Variants in EFR3A observed in about 807,000 individuals in gnomAD.
EFR3A encodes the protein protein EFR3 homolog A.
In EFR3A, 76 loss-of-function variants were observed where a neutral mutation model predicts 104.4. The observed-to-expected ratio is 0.73, with a 90% CI of 0.60 to 0.88. The LOEUF (loss-of-function observed/expected upper bound fraction) is 0.88, where lower values mean the gene tolerates loss of function less well. Ranked by LOEUF, EFR3A falls within the 40% of genes least tolerant of loss-of-function variation. The pLI is 0.00. For synonymous variants in EFR3A, 330 were observed against 330.0 expected, an observed-to-expected ratio of 1.00 and a Z score of 0.00; for missense variants, 985 against 1,012.5, an observed-to-expected ratio of 0.97 and a Z score of 0.37.
intron 5 of EFR3A, among the ~76,000 whole-genome samples, chr8:131,951,873 C>A (rs184100825): frequency 3.3e-5 from 5 of 152,064 alleles, no homozygotes; most frequent in African/African-American, 1.2e-4. Flanking sequence ...TCTGCTTTAA[C>A]TTAAATAAAA....
At chr8:131,967,601 G>C (rs547093453) in intron 8 of EFR3A, among the ~76,000 whole-genome samples, 20 of 151,192 alleles carry the variant, frequency 1.3e-4, no homozygotes, top group African/African-American at 4.8e-4. Context: ...ATTCACTGGA[G>C]TTAAGAATAA....
rs1019775127 is a variant in EFR3A, at chr8:131,977,024, C to G, written c.1275-17C>G. 6.4e-7 allele frequency: 1 copy of G among 1,562,360 alleles called. No individual in the cohort carries two copies. Among genetic ancestry groups the G allele is most frequent in the African/African-American group, 1.4e-5 (1 of 73,342 alleles). Reference sequence around the variant, plus strand: ...AATGCTAATTAGTATAATAATTCAGCCTTTTGTATATTTTAGGGATTTGGG... The same window carrying G: ...AATGCTAATTAGTATAATAATTCAGGCTTTTGTATATTTTAGGGATTTGGG... On this transcript the variant is annotated splice_polypyrimidine_tract_variant and intron_variant, in intron 11 of 22. Transcript: ENST00000254624.
At chr8:131,959,144 G>A (rs975171377) in intron 7 of EFR3A, among the ~76,000 whole-genome samples, 3 of 152,112 alleles carry the variant, frequency 2.0e-5, no homozygotes, top group Admixed American at 2.0e-4. Flanking sequence ...CGATATGGAA[G>A]GACAATTTTT....
chr8:131,967,152 T>C (rs6471015), intron 8 of EFR3A, among the ~76,000 whole-genome samples: 2,713 of 152,258 alleles, frequency 0.018, 34 homozygotes, highest in South Asian at 0.042. Context: ...TTTGTGTGTG[T>C]CTTCCTGCCT....
intron 22 of EFR3A, among the ~76,000 whole-genome samples, chr8:132,009,434 A>G (rs1333806718): frequency 6.6e-6 from 1 of 152,094 alleles, no homozygotes; most frequent in Admixed American, 6.6e-5. Flanking sequence ...CAGTCAGGAA[A>G]ATGCTGTAGA....
At chr8:132,003,348 T>C in intron 22 of EFR3A, 63 bp downstream of exon 22, 1 of 1,421,096 alleles carries the variant, frequency 7.0e-7, no homozygotes, top group South Asian at 1.3e-5. Context: ...GACAGACCCC[T>C]ATGAATTTGT....
chr8:131,915,105 G>A (rs1020749477), intron 1 of EFR3A, among the ~76,000 whole-genome samples: 1 of 152,168 alleles, frequency 6.6e-6, no homozygotes, highest in African/African-American at 2.4e-5. Context: ...GAATAGTGGA[G>A]CAGCTCTATT....
At chr8:131,918,367 G>A (rs994280875) in intron 1 of EFR3A, among the ~76,000 whole-genome samples, 1 of 152,196 alleles carries the variant, frequency 6.6e-6, no homozygotes, top group African/African-American at 2.4e-5. Flanking sequence ...ATAATTTCAT[G>A]TATAGAGTGA....
At chr8:131,934,708 G>A (rs2130520620) in intron 1 of EFR3A, among the ~76,000 whole-genome samples, 1 of 151,972 alleles carries the variant, frequency 6.6e-6, no homozygotes. Context: ...TGCTCTTTGG[G>A]TAGCTCTGTT....
intron 20 of EFR3A, 65 bp from the exon 21 acceptor site, chr8:132,002,538 G>T: frequency 1.5e-6 from 2 of 1,338,834 alleles, no homozygotes; most frequent in South Asian, 1.3e-5. Flanking sequence ...ACTCTTAACG[G>T]TCATTGACTG....
At chr8:131,969,726 G>T (rs1438767160) in intron 9 of EFR3A, among the ~76,000 whole-genome samples, 1 of 151,874 alleles carries the variant, frequency 6.6e-6, no homozygotes, top group Non-Finnish European at 1.5e-5. Flanking sequence ...TTATTTAATT[G>T]GAAAGTTATT....
rs1818118676 is a variant in EFR3A at position 131,940,582 on chromosome 8, T to G, written c.87+7T>G. Reference sequence around the variant, plus strand: ...ATTCCCTGAAGATCCAAAAGTAATTTGATCTACATCTACTGATCCTTCTCT... The same window carrying G: ...ATTCCCTGAAGATCCAAAAGTAATTGGATCTACATCTACTGATCCTTCTCT... On this transcript the variant is annotated splice_region_variant and intron_variant, in intron 2 of 22. Transcript: ENST00000254624. 6.2e-7 allele frequency: 1 copy of G among 1,602,794 alleles called. No individual in the cohort carries two copies. The highest frequency in any genetic ancestry group is 8.5e-7 in the Non-Finnish European group (1 of 1,174,280).
intron 1 of EFR3A, among the ~76,000 whole-genome samples, chr8:131,930,790 T>A (rs1817558032): frequency 1.3e-5 from 2 of 152,248 alleles, no homozygotes; most frequent in South Asian, 4.1e-4. Flanking sequence ...TGAAGTCTTT[T>A]CTGAATGTCA....
chr8:132,003,208 A>G, intron 21 of EFR3A, 28 bp from the exon 22 acceptor site: 2 of 1,591,892 alleles, frequency 1.3e-6, no homozygotes, highest in South Asian at 2.2e-5. Flanking sequence ...AAAATAAACC[A>G]TTCTTAACAT....
rs529507196 is a variant in EFR3A at position 131,959,438 on chromosome 8, T to C, written c.777-147T>C. The C allele has an allele frequency of 5.8e-4, 353 of 607,252 alleles. 2 individuals carry two copies. In the African/African-American group the frequency reaches 6.2e-3, roughly 11 times the overall value. The allele number at this position is 607,252 out of a possible 1,614,324, so 37.6% of individuals were successfully genotyped here. On this transcript the variant is annotated intron_variant, in intron 7 of 22. Coordinates refer to ENST00000254624, the MANE Select transcript of EFR3A (RefSeq NM_015137.6). Reference sequence around the variant, plus strand: ...AGCTTTAATTGCAACATATATTTCATGAAGTTCATTACTTAAGAATTAAAT... The same window carrying C: ...AGCTTTAATTGCAACATATATTTCACGAAGTTCATTACTTAAGAATTAAAT...
chr8:131,954,970 G>A (rs1818906186), intron 6 of EFR3A, among the ~76,000 whole-genome samples: 1 of 151,954 alleles, frequency 6.6e-6, no homozygotes, highest in African/African-American at 2.4e-5. Flanking sequence ...CTCCAGCTTT[G>A]GGAACCTTTC....
At chr8:131,960,540 G>T (rs1819257352) in intron 8 of EFR3A, among the ~76,000 whole-genome samples, 1 of 152,114 alleles carries the variant, frequency 6.6e-6, no homozygotes, top group Non-Finnish European at 1.5e-5. Context: ...GTATATACTA[G>T]AATAAGAATT....
At chr8:131,916,010 G>A (rs1816728877) in intron 1 of EFR3A, among the ~76,000 whole-genome samples, 1 of 152,158 alleles carries the variant, frequency 6.6e-6, no homozygotes, top group African/African-American at 2.4e-5. Flanking sequence ...GAAGAAAGGT[G>A]CTCAGCACGT....
At chr8:131,910,574 T>C (rs1418069440) in intron 1 of EFR3A, among the ~76,000 whole-genome samples, 1 of 152,178 alleles carries the variant, frequency 6.6e-6, no homozygotes, top group Non-Finnish European at 1.5e-5. Flanking sequence ...TGCCCAGTCT[T>C]TCTCTGGTTT....
Sources: allele counts gnomAD v4.1 joint callset (sites outside exome capture counted in the v4.1 genomes callset), GRCh38; gene constraint gnomAD v4.1.1; transcripts MANE v1.5; gene names NCBI Gene and HGNC (gene_info 2026-07-23, HGNC 2026-07-21).